Variants in MCTP1 observed in about 807,000 individuals in gnomAD.
MCTP1 encodes the protein multiple C2 and transmembrane domain containing 1, also known as multiple C2 and transmembrane domain-containing protein 1.
Under a neutral mutation model 120.6 loss-of-function variants are expected in MCTP1, and 69 were observed. The observed-to-expected ratio is 0.57, with a 90% CI of 0.47 to 0.70. The LOEUF (loss-of-function observed/expected upper bound fraction) is 0.70, where lower values mean the gene tolerates loss of function less well. Ranked by LOEUF, MCTP1 falls within the 30% of genes least tolerant of loss-of-function variation. MCTP1 has a pLI of 0.00. For missense variants in MCTP1, 1,203 were observed against 1,248.8 expected, an observed-to-expected ratio of 0.96 and a Z score of 0.55; for synonymous variants, 529 against 493.1, an observed-to-expected ratio of 1.07 and a Z score of -0.96.
intron 1 of MCTP1, among the ~76,000 whole-genome samples, chr5:95,205,683 A>C (rs2152559486): frequency 6.6e-6 from 1 of 152,302 alleles, no homozygotes; most frequent in South Asian, 2.1e-4. Flanking sequence ...TAAAAGCTAA[A>C]TAATGTAAAA....
intron 1 of MCTP1, among the ~76,000 whole-genome samples, chr5:95,231,633 AT>A (rs1489903866): frequency 6.6e-6 from 1 of 152,192 alleles, no homozygotes; most frequent in Non-Finnish European, 1.5e-5. Flanking sequence ...GTAATATCAG[AT>A]GGAAGTACAG....
Position 95,283,904 on chromosome 5 carries a change from G to A in MCTP1, c.672C>T (p.Pro224=). The A allele has an allele frequency of 7.2e-7, 1 of 1,389,926 alleles. No individual in the cohort carries two copies. The highest frequency in any genetic ancestry group is 1.5e-5 in the African/African-American group (1 of 65,502). The allele number at this position is 1,389,926 out of a possible 1,614,324, so 86.1% of individuals were successfully genotyped here. A position where few individuals can be genotyped will look rare whatever the true frequency, so the allele number is the denominator to read the frequency against. ...PPPPAEPARS[P]AESRAPETGE... ...CCGTCTCCGGGGCCCGAGACTCCGC[G>A]GGACTCCGCGCCGGCTCTGCGGGAG... The change falls in exon 1 of 23, where the codon CCC becomes CCT. Residue 224 remains proline (P), a synonymous_variant. Coordinates refer to ENST00000515393, the MANE Select transcript of MCTP1 (RefSeq NM_024717.7).
chr5:94,988,784 C>A (rs1394068632), intron 2 of MCTP1, among the ~76,000 whole-genome samples: 1 of 152,076 alleles, frequency 6.6e-6, no homozygotes, highest in East Asian at 1.9e-4. Flanking sequence ...TGACTCGACT[C>A]ACAGTTCCAC....
intron 19 of MCTP1, among the ~76,000 whole-genome samples, chr5:94,724,589 C>T (rs1690108659): frequency 6.6e-6 from 1 of 152,152 alleles, no homozygotes; most frequent in South Asian, 2.1e-4. Context: ...AGTCAGCCCT[C>T]CACACAATGG....
intron 17 of MCTP1, 55 bp from the exon 18 acceptor site, chr5:94,799,187 T>C (rs1407183110): frequency 4.6e-6 from 7 of 1,531,874 alleles, no homozygotes; most frequent in Non-Finnish European, 6.2e-6. Context: ...TTTCATTAAA[T>C]GGACTCTTAT....
rs970552350 is a variant in MCTP1 at position 94,820,874 on chromosome 5, G to A, written c.2437-21742C>T. 3.9e-5 allele frequency among the ~76,000 whole-genome samples: 6 copies of A among 152,166 alleles called. No homozygotes were observed. The East Asian group carries it at 1.2e-3, about 29-fold the overall frequency. On this transcript the variant is annotated intron_variant, in intron 17 of 22. Coordinates refer to ENST00000515393, the MANE Select transcript of MCTP1 (RefSeq NM_024717.7). ...TAACATACTTAAACCCCATAGCTAT[G>A]TTACCTCAATAGTTATTGTGTCCCT...
At chr5:94,890,140 CG>C (rs1444172083) in intron 11 of MCTP1, among the ~76,000 whole-genome samples, 5 of 152,098 alleles carry the variant, frequency 3.3e-5, no homozygotes, top group Non-Finnish European at 7.4e-5. Flanking sequence ...CTAGAACTAC[CG>C]GCATGTGCAA....
At chr5:95,137,357 T>C (rs557499844) in intron 1 of MCTP1, among the ~76,000 whole-genome samples, 1 of 152,362 alleles carries the variant, frequency 6.6e-6, no homozygotes, top group East Asian at 1.9e-4. Context: ...CGATAGTCCC[T>C]GGCTCACAGA....
intron 2 of MCTP1, among the ~76,000 whole-genome samples, chr5:94,959,880 A>C (rs1823687778): frequency 6.6e-6 from 1 of 152,224 alleles, no homozygotes; most frequent in Admixed American, 6.5e-5. Context: ...ATTCCCACCA[A>C]GTTACCATTG....
chr5:94,923,914 T>C, intron 7 of MCTP1, 48 bp downstream of exon 7: 1 of 1,255,588 alleles, frequency 8.0e-7, no homozygotes, highest in Non-Finnish European at 1.1e-6. Context: ...AAAATTGCTA[T>C]CCAAAACCAA....
chr5:95,147,455 C>T lies in MCTP1; in HGVS notation c.721-129971G>A, dbSNP rs139204209. Among the ~76,000 whole-genome samples, 9 of 152,230 alleles carry T rather than the reference C, an allele frequency of 5.9e-5. No individual in the cohort carries two copies. In the East Asian group the frequency reaches 1.4e-3, roughly 23 times the overall value. On this transcript the variant is annotated intron_variant, in intron 1 of 22. Transcript: ENST00000515393. ...TTGAACCCTTTGCCATTATGTAATG[C>T]CCTTCTTTGTCCTTCTTGATAGTTG...
chr5:95,230,238 G>A lies in MCTP1; in HGVS notation c.720+53618C>T, dbSNP rs182225608. 1.4e-4 allele frequency among the ~76,000 whole-genome samples: 17 copies of A among 123,288 alleles called. No individual in the cohort carries two copies. The East Asian group carries it at 3.3e-3, about 24-fold the overall frequency. 80.9% of individuals were successfully genotyped at this position (123,288 alleles called of 152,430 possible). On this transcript the variant is annotated intron_variant, in intron 1 of 22. Coordinates refer to ENST00000515393, the MANE Select transcript of MCTP1 (RefSeq NM_024717.7). ...TATACACATACATATATGTGTGTGT[G>A]TATATATATACACACACGCACACAA...
chr5:95,027,501 G>A (rs1453208085), intron 1 of MCTP1, among the ~76,000 whole-genome samples: 1 of 152,172 alleles, frequency 6.6e-6, no homozygotes, highest in Non-Finnish European at 1.5e-5. Flanking sequence ...AGGCCAGAAG[G>A]CCACGTGTAA....
chr5:94,866,116 T>C (rs1414413065), intron 17 of MCTP1, among the ~76,000 whole-genome samples: 1 of 151,944 alleles, frequency 6.6e-6, no homozygotes, highest in Non-Finnish European at 1.5e-5. Context: ...ATAACTAGCT[T>C]CCTTAGAGCA....
intron 19 of MCTP1, among the ~76,000 whole-genome samples, chr5:94,721,399 G>A (rs1385662100): frequency 6.6e-6 from 1 of 152,128 alleles, no homozygotes; most frequent in Admixed American, 6.5e-5. Flanking sequence ...ATTGGCTAAG[G>A]ATTTTTAAAT....
intron 18 of MCTP1, chr5:94,788,671 T>C (rs1011427068): frequency 1.3e-5 from 2 of 152,168 alleles, no homozygotes; most frequent in Non-Finnish European, 2.9e-5. Flanking sequence ...TTGGCCCCTT[T>C]TTCTCCCTCC....
chr5:94,869,909 A>G (rs1797512532), intron 16 of MCTP1, among the ~76,000 whole-genome samples: 1 of 152,136 alleles, frequency 6.6e-6, no homozygotes, highest in Non-Finnish European at 1.5e-5. Context: ...CTGAAAGATC[A>G]TAGTTAAAAT....
chr5:95,215,946 C>T (rs1237517274), intron 1 of MCTP1, among the ~76,000 whole-genome samples: 4 of 151,990 alleles, frequency 2.6e-5, no homozygotes, highest in Admixed American at 6.6e-5. Context: ...ACAAGAAAAC[C>T]TTTATTCTAT....
intron 12 of MCTP1, among the ~76,000 whole-genome samples, chr5:94,885,074 TCC>T (rs1239337981): frequency 2.0e-5 from 3 of 152,086 alleles, no homozygotes; most frequent in African/African-American, 7.2e-5. Flanking sequence ...TCTCTCTCTC[TCC>T]CCCTTTTTCT....
Sources: allele counts gnomAD v4.1 joint callset (sites outside exome capture counted in the v4.1 genomes callset), GRCh38; gene constraint gnomAD v4.1.1; transcripts MANE v1.5; gene names NCBI Gene and HGNC (gene_info 2026-07-23, HGNC 2026-07-21).